SYT16: variants seen among roughly 807,000 people sequenced by gnomAD.
SYT16 encodes synaptotagmin 16, also known as synaptotagmin-16.
In SYT16, 42 loss-of-function variants were observed where a neutral mutation model predicts 61.4. That is an observed-to-expected ratio of 0.68 (90% CI 0.53 to 0.89). The LOEUF is 0.89. Ranked by LOEUF, SYT16 falls within the 40% of genes least tolerant of loss-of-function variation. The probability of loss-of-function intolerance (pLI) is 0.00; values close to 1 mark genes in which losing one functional copy is unlikely to be tolerated. For synonymous variants in SYT16, 314 were observed against 302.3 expected (o/e 1.04, Z -0.40); for missense variants, 804 against 807.3 (o/e 1.00, Z 0.05).
chr14:61,996,192 A>G lies in SYT16; in HGVS notation c.173A>G (p.Asp58Gly). The G allele has an allele frequency of 6.2e-7, 1 of 1,613,532 alleles. No individual in the cohort carries two copies. Among genetic ancestry groups the G allele is most frequent in the South Asian group, 1.1e-5 (1 of 91,068 alleles). The change falls in exon 3 of 8, where the codon GAT (aspartate) becomes GGT (glycine). Residue 58 changes from aspartate to glycine, a missense_variant. Physicochemically the swap from Asp to Gly is moderately conservative, Grantham distance 94. Transcript: ENST00000683842. ...AGTGACAAACTAGATCAGGACTTAG[A>G]TAATATTCAGATTCAGGAAACGTAC... ...KLSDKLDQDL[D>G]NIQIQETYFE...
intron 5 of SYT16, among the ~76,000 whole-genome samples, chr14:62,076,508 G>A (rs746312250): frequency 1.3e-5 from 2 of 151,854 alleles, no homozygotes; most frequent in Non-Finnish European, 2.9e-5. Flanking sequence ...ATGTTGGCGT[G>A]TGTAGGTAGT....
chr14:62,003,313 CTG>C (rs1346950905), intron 3 of SYT16, among the ~76,000 whole-genome samples: 5 of 152,008 alleles, frequency 3.3e-5, no homozygotes, highest in African/African-American at 1.2e-4. Context: ...CTGGTGAGCT[CTG>C]TGAAGAACTT....
intron 1 of SYT16, among the ~76,000 whole-genome samples, chr14:61,903,264 CTTT>C (rs57869503): frequency 6.9e-6 from 1 of 144,356 alleles, no homozygotes. Flanking sequence ...TTCATTATGT[CTTT>C]TTTTTTTTTT....
chr14:61,906,675 A>G (rs1444674207), intron 1 of SYT16, among the ~76,000 whole-genome samples: 1 of 152,130 alleles, frequency 6.6e-6, no homozygotes, highest in Non-Finnish European at 1.5e-5. Context: ...ATAAATGAAC[A>G]GCTACACTAA....
intron 3 of SYT16, among the ~76,000 whole-genome samples, chr14:62,026,276 TA>T (rs760122409): frequency 5.8e-4 from 89 of 152,324 alleles, no homozygotes; most frequent in Admixed American, 1.8e-3. Flanking sequence ...CCCATTTTCT[TA>T]ATCTGTTTAT....
chr14:61,974,434 A>G (rs1051146957), intron 2 of SYT16, among the ~76,000 whole-genome samples: 5 of 152,312 alleles, frequency 3.3e-5, no homozygotes, highest in Middle Eastern at 3.4e-3. Context: ...GTGATTTTCA[A>G]GGGCCCTGCA....
intron 1 of SYT16, among the ~76,000 whole-genome samples, chr14:61,886,309 A>G (rs2047898757): frequency 2.6e-5 from 4 of 152,182 alleles, no homozygotes; most frequent in Admixed American, 2.0e-4. Flanking sequence ...AGTTTGCTGC[A>G]TTGATTGACT....
At chr14:62,049,738 C>G (rs1014875341) in intron 3 of SYT16, among the ~76,000 whole-genome samples, 3 of 152,126 alleles carry the variant, frequency 2.0e-5, no homozygotes, top group South Asian at 2.1e-4. Context: ...ACTTATGAAG[C>G]TTAGTTTGGC....
chr14:61,864,344 G>C (rs577736636), intron 1 of SYT16, among the ~76,000 whole-genome samples: 21 of 152,364 alleles, frequency 1.4e-4, no homozygotes, highest in African/African-American at 4.6e-4. Flanking sequence ...TTTCGGTGTT[G>C]CAGCTGCCGC....
At chr14:62,074,678 G>A (rs2056419393) in intron 4 of SYT16, among the ~76,000 whole-genome samples, 2 of 152,188 alleles carry the variant, frequency 1.3e-5, no homozygotes, top group Non-Finnish European at 1.5e-5. Flanking sequence ...GGATCAAGGA[G>A]AGAACTTTTT....
intron 7 of SYT16, among the ~76,000 whole-genome samples, chr14:62,094,722 T>C (rs1368642274): frequency 6.6e-6 from 1 of 152,026 alleles, no homozygotes; most frequent in Non-Finnish European, 1.5e-5. Context: ...GAAGTTATTA[T>C]GGGATTTAAA....
rs189392195 is a variant in SYT16, at chr14:62,049,804, C to T, written c.524-19799C>T. On this transcript the variant is annotated intron_variant, in intron 3 of 7. Transcript: ENST00000683842. ...TAAGAATGTTGAATATTGGTTCCCA[C>T]TCTCTTCTGGCTTGTAGAGTTTCTG... is the stretch of plus-strand genomic sequence containing the variant. Among the ~76,000 whole-genome samples the T allele has an allele frequency of 3.9e-5, 6 of 152,344 alleles. No homozygotes were observed. In the East Asian group the frequency reaches 9.6e-4, roughly 24 times the overall value.
chr14:62,037,158 G>C (rs1029791189), intron 3 of SYT16, among the ~76,000 whole-genome samples: 3 of 151,398 alleles, frequency 2.0e-5, no homozygotes, highest in African/African-American at 7.3e-5. Flanking sequence ...CTGAGAATCT[G>C]GTCCCCACTT....
At chr14:62,021,394 A>G (rs2053901726) in intron 3 of SYT16, among the ~76,000 whole-genome samples, 1 of 152,016 alleles carries the variant, frequency 6.6e-6, no homozygotes, top group Admixed American at 6.6e-5. Flanking sequence ...TGTAGGAGAC[A>G]TCTCATGACC....
intron 1 of SYT16, among the ~76,000 whole-genome samples, chr14:61,921,438 C>G (rs997661504): frequency 1.3e-5 from 2 of 152,188 alleles, no homozygotes; most frequent in African/African-American, 4.8e-5. Flanking sequence ...GACCACTTTC[C>G]CAGTCTCAGT....
intron 3 of SYT16, among the ~76,000 whole-genome samples, chr14:62,040,716 C>T (rs1286120487): frequency 4.6e-5 from 7 of 152,084 alleles, no homozygotes; most frequent in Non-Finnish European, 8.8e-5. Flanking sequence ...ATCTCTTTTT[C>T]CTCTACTTTT....
In SYT16 at chr14:62,042,254, C is replaced by T. The variant is rs569664556; in HGVS notation, c.524-27349C>T. On this transcript the variant is annotated intron_variant, in intron 3 of 7. Coordinates refer to ENST00000683842, the MANE Select transcript of SYT16 (RefSeq NM_001367656.1). ...CTGGCCTCAAGTGATCCTCCCATGT[C>T]GGCCTCCCAAAGTGCTAGGATTATA... Among the ~76,000 whole-genome samples, 10 of 152,116 alleles carry T rather than the reference C, an allele frequency of 6.6e-5. No homozygotes were observed. In the Middle Eastern group the frequency reaches 0.01, roughly 156 times the overall value.
intron 3 of SYT16, among the ~76,000 whole-genome samples, chr14:62,012,754 G>A (rs1367422541): frequency 6.6e-6 from 1 of 152,114 alleles, no homozygotes; most frequent in East Asian, 1.9e-4. Flanking sequence ...GTCTTAAAAG[G>A]CAACTTTTAC....
At chr14:61,832,333 G>A in intron 1 of SYT16, 1 of 579,986 alleles carries the variant, frequency 1.7e-6, no homozygotes, top group South Asian at 1.4e-5. Flanking sequence ...GAAATTGCTC[G>A]CTTGCCAACT....
Sources: allele counts gnomAD v4.1 joint callset (sites outside exome capture counted in the v4.1 genomes callset), GRCh38; gene constraint gnomAD v4.1.1; transcripts MANE v1.5; gene names NCBI Gene and HGNC (gene_info 2026-07-23, HGNC 2026-07-21).